Variants in PTPRT observed in about 807,000 individuals in gnomAD.
The protein encoded by PTPRT is receptor-type tyrosine-protein phosphatase T.
A neutral mutation model predicts 176.8 loss-of-function variants in PTPRT; 56 were observed. The ratio of observed to expected loss-of-function variants is 0.32; its 90% CI spans 0.26 to 0.40. PTPRT has a LOEUF of 0.40. Among genes scored for constraint, PTPRT ranks in the 10% least tolerant of loss-of-function variants. The probability of loss-of-function intolerance (pLI) is 1.00; values close to 1 mark genes in which losing one functional copy is unlikely to be tolerated. For missense variants in PTPRT, 1,540 were observed against 1,908.2 expected, an observed-to-expected ratio of 0.81 and a Z score of 3.60; for synonymous variants, 783 against 739.0, an observed-to-expected ratio of 1.06 and a Z score of -0.96.
intron 13 of PTPRT, among the ~76,000 whole-genome samples, chr20:42,263,735 G>C (rs182779814): frequency 2.5e-4 from 38 of 150,334 alleles, no homozygotes; most frequent in Admixed American, 2.4e-3. Flanking sequence ...ATATTGCCTA[G>C]GCTGATCTCG....
At chr20:42,955,931 T>A (rs1255484074) in intron 1 of PTPRT, among the ~76,000 whole-genome samples, 1 of 152,102 alleles carries the variant, frequency 6.6e-6, no homozygotes, top group African/African-American at 2.4e-5. Flanking sequence ...GCTTTGCCAG[T>A]AAACATCACC....
chr20:42,427,873 C>T (rs967027671), intron 9 of PTPRT, among the ~76,000 whole-genome samples: 1 of 152,142 alleles, frequency 6.6e-6, no homozygotes, highest in Non-Finnish European at 1.5e-5. Context: ...TGTAATTCTC[C>T]CCAGCCTTGA....
intron 9 of PTPRT, among the ~76,000 whole-genome samples, chr20:42,384,873 C>T (rs1600931210): frequency 6.6e-6 from 1 of 152,156 alleles, no homozygotes; most frequent in Admixed American, 6.5e-5. Flanking sequence ...TACTTGTTGT[C>T]CATTTGAATG....
chr20:42,552,777 T>C (rs1042505792), intron 7 of PTPRT, among the ~76,000 whole-genome samples: 1 of 152,072 alleles, frequency 6.6e-6, no homozygotes, highest in Non-Finnish European at 1.5e-5. Context: ...AAGAAAAATG[T>C]ACAAGGGAAG....
intron 2 of PTPRT, among the ~76,000 whole-genome samples, chr20:42,874,252 G>A (rs1405281108): frequency 5.3e-5 from 8 of 152,072 alleles, no homozygotes; most frequent in Non-Finnish European, 1.0e-4. Context: ...TAAATGTGTC[G>A]CTGACACACG....
chr20:42,100,004 C>T (rs763361217), intron 26 of PTPRT, among the ~76,000 whole-genome samples: 6 of 152,292 alleles, frequency 3.9e-5, no homozygotes, highest in Middle Eastern at 3.4e-3. Context: ...ACTTGGGGCT[C>T]CAATCCTTGG....
In PTPRT at chr20:43,083,321, T is replaced by TGTATATATATATATATATATACAC. The variant is rs1491174501; in HGVS notation, c.88+106324_88+106325insGTGTATATATATATATATATATAC. Among the ~76,000 whole-genome samples, 25 of 11,424 alleles carry TGTATATATATATATATATATACAC rather than the reference T, an allele frequency of 2.2e-3. 2 individuals are homozygous for TGTATATATATATATATATATACAC. Among genetic ancestry groups the TGTATATATATATATATATATACAC allele is most frequent in the African/African-American group, 9.2e-3 (22 of 2,390 alleles). 7.5% of individuals were successfully genotyped at this position (11,424 alleles called of 152,430 possible). On this transcript the variant is annotated intron_variant, in intron 1 of 30. Coordinates refer to ENST00000373187, the MANE Select transcript of PTPRT (RefSeq NM_007050.6). ...CCATAAGATTCACCCACTTCAAATG[T>TGTATATATATATATATATATACAC]ATATATATATATATATATATATATA... is the stretch of plus-strand genomic sequence containing the variant.
chr20:42,078,344 T>C lies in PTPRT; in HGVS notation c.*2535A>G, dbSNP rs747353641. 9.5e-6 allele frequency: 2 copies of C among 210,874 alleles called. No individual in the cohort carries two copies. The highest frequency in any genetic ancestry group is 2.3e-5 in the African/African-American group (1 of 44,020). 13.1% of individuals were successfully genotyped at this position (210,874 alleles called of 1,614,324 possible). ...CGGCTCCTTTCATGTTCCATCCTCATGGGCCTGGAGATCTGGGTTGGTGAC... is the reference window on the plus strand; with the variant it reads ...CGGCTCCTTTCATGTTCCATCCTCACGGGCCTGGAGATCTGGGTTGGTGAC... On this transcript the variant is annotated 3_prime_UTR_variant, in exon 31 of 31. Coordinates refer to ENST00000373187, the MANE Select transcript of PTPRT (RefSeq NM_007050.6).
chr20:42,915,572 T>G (rs1978688269), intron 1 of PTPRT, among the ~76,000 whole-genome samples: 1 of 152,200 alleles, frequency 6.6e-6, no homozygotes, highest in African/African-American at 2.4e-5. Flanking sequence ...TGGGGACAGG[T>G]GAATCACGGC....
At chr20:42,159,104 CTT>C (rs35657012) in intron 17 of PTPRT, among the ~76,000 whole-genome samples, 18 of 140,296 alleles carry the variant, frequency 1.3e-4, no homozygotes, top group East Asian at 2.1e-4. Context: ...CTACTTGTCC[CTT>C]TTTTTTTTTT....
intron 1 of PTPRT, among the ~76,000 whole-genome samples, chr20:43,090,548 G>C (rs1349098439): frequency 6.6e-6 from 1 of 152,092 alleles, no homozygotes; most frequent in African/African-American, 2.4e-5. Flanking sequence ...GATTCCAGTC[G>C]TGAGCCACCG....
chr20:42,812,958 A>G (rs1449677953), intron 2 of PTPRT, among the ~76,000 whole-genome samples: 2 of 152,182 alleles, frequency 1.3e-5, no homozygotes, highest in African/African-American at 4.8e-5. Flanking sequence ...TCTATTGTAG[A>G]ATAAATTGCT....
intron 18 of PTPRT, among the ~76,000 whole-genome samples, chr20:42,140,355 C>T (rs1396284803): frequency 1.3e-5 from 2 of 152,172 alleles, no homozygotes; most frequent in Non-Finnish European, 2.9e-5. Flanking sequence ...CTGTTGTAGA[C>T]TCCTGTTCTA....
chr20:42,240,408 G>A (rs1366258156), intron 14 of PTPRT, among the ~76,000 whole-genome samples: 1 of 152,134 alleles, frequency 6.6e-6, no homozygotes, highest in African/African-American at 2.4e-5. Context: ...CAGATTGCCT[G>A]AAACCAAAAA....
At chr20:42,162,560 T>C (rs1468186435) in intron 16 of PTPRT, among the ~76,000 whole-genome samples, 2 of 152,186 alleles carry the variant, frequency 1.3e-5, no homozygotes, top group Non-Finnish European at 1.5e-5. Flanking sequence ...CTAGGCTTGG[T>C]CTTCCCAACC....
chr20:43,036,715 G>A (rs1600665332), intron 1 of PTPRT, among the ~76,000 whole-genome samples: 1 of 152,098 alleles, frequency 6.6e-6, no homozygotes, highest in East Asian at 1.9e-4. Context: ...TTTCATTAAG[G>A]AGGAAGTAAA....
the PTPRT span, among the ~76,000 whole-genome samples, chr20:42,064,723 A>G: frequency 6.6e-6 from 1 of 152,198 alleles, no homozygotes; most frequent in Non-Finnish European, 1.5e-5. Flanking sequence ...TTGGGCCTTC[A>G]TTTATAAAAG....
intron 7 of PTPRT, among the ~76,000 whole-genome samples, chr20:42,546,944 A>C (rs937868096): frequency 1.3e-5 from 2 of 152,180 alleles, no homozygotes; most frequent in African/African-American, 4.8e-5. Flanking sequence ...AATAGTAATG[A>C]AAACGTTTGA....
chr20:42,293,973 A>C (rs753673408), intron 12 of PTPRT, among the ~76,000 whole-genome samples: 12 of 152,206 alleles, frequency 7.9e-5, no homozygotes, highest in Non-Finnish European at 1.3e-4. Context: ...AAGAAGAAAA[A>C]AATAAAATTG....
Sources: gnomAD v4.1 joint callset for allele counts (sites outside exome capture counted in the v4.1 genomes callset) on GRCh38, gnomAD v4.1.1 for gene constraint, MANE v1.5 for transcripts, NCBI Gene and HGNC (gene_info 2026-07-23, HGNC 2026-07-21) for gene names.